Variants in SLC25A21 observed in about 807,000 individuals in gnomAD.
SLC25A21 encodes the protein solute carrier family 25 member 21, also known as mitochondrial 2-oxodicarboxylate carrier.
In SLC25A21, 47 loss-of-function variants were observed where a neutral mutation model predicts 43.8. The ratio of observed to expected loss-of-function variants is 1.07; its 90% CI spans 0.85 to 1.37. The LOEUF is 1.37. Among genes scored for constraint, SLC25A21 ranks in the 40% most tolerant of loss-of-function variants. SLC25A21 has a pLI of 0.00. For synonymous variants in SLC25A21, 131 were observed against 121.3 expected, an observed-to-expected ratio of 1.08 and a Z score of -0.52; for missense variants, 352 against 350.2, an observed-to-expected ratio of 1.00 and a Z score of -0.04.
chr14:36,941,328 T>C (rs1040219791), intron 1 of SLC25A21, among the ~76,000 whole-genome samples: 2 of 152,156 alleles, frequency 1.3e-5, no homozygotes, highest in Non-Finnish European at 2.9e-5. Context: ...TTTCAAAGAT[T>C]ATGCTGCACA....
intron 3 of SLC25A21, among the ~76,000 whole-genome samples, chr14:36,786,647 AT>A (rs1213656919): frequency 1.3e-5 from 2 of 152,028 alleles, no homozygotes; most frequent in South Asian, 2.1e-4. Context: ...AATCACTCTA[AT>A]TTTTTTTCTC....
At chr14:37,097,046 T>G (rs1002442934) in intron 1 of SLC25A21, 27 of 151,806 alleles carry the variant, frequency 1.8e-4, no homozygotes, top group African/African-American at 4.6e-4. Context: ...TTTTTTGTTT[T>G]TTTTTGTTTG....
intron 1 of SLC25A21, among the ~76,000 whole-genome samples, chr14:37,088,893 C>T (rs941491699): frequency 2.2e-4 from 34 of 152,286 alleles, no homozygotes; most frequent in Middle Eastern, 6.8e-3. Context: ...CTCTTTTCAA[C>T]TTAGGAAAAG....
intron 1 of SLC25A21, among the ~76,000 whole-genome samples, chr14:36,999,081 C>CA (rs769066104): frequency 1.2e-4 from 19 of 152,056 alleles, no homozygotes; most frequent in Non-Finnish European, 2.6e-4. Flanking sequence ...GTTGGAAATA[C>CA]AAAAACCTAT....
chr14:37,098,806 T>TAGATAGATAGA (rs1491150034), intron 1 of SLC25A21, among the ~76,000 whole-genome samples: 16 of 4,160 alleles, frequency 3.8e-3, no homozygotes, highest in African/African-American at 4.3e-3. Flanking sequence ...GATAGATAGA[T>TAGATAGATAGA]TTTTTTTTTT....
chr14:36,989,124 GATAA>G (rs1314702824), intron 1 of SLC25A21, among the ~76,000 whole-genome samples: 1 of 152,132 alleles, frequency 6.6e-6, no homozygotes, highest in African/African-American at 2.4e-5. Flanking sequence ...TTCTCACTTG[GATAA>G]AGGGCCAAAA....
intron 1 of SLC25A21, among the ~76,000 whole-genome samples, chr14:37,131,311 A>G (rs1963387931): frequency 6.6e-6 from 1 of 152,212 alleles, no homozygotes; most frequent in Non-Finnish European, 1.5e-5. Context: ...AGTGAGACAC[A>G]TGTTGTTGTG....
At chr14:36,826,313 G>C (rs1288630629) in intron 2 of SLC25A21, among the ~76,000 whole-genome samples, 2 of 152,146 alleles carry the variant, frequency 1.3e-5, no homozygotes, top group Non-Finnish European at 2.9e-5. Flanking sequence ...TTCTCCTCCA[G>C]CTTGGCAAGG....
intron 3 of SLC25A21, among the ~76,000 whole-genome samples, chr14:36,745,181 T>G (rs1885442246): frequency 6.6e-6 from 1 of 152,140 alleles, no homozygotes. Context: ...ACTCATCCTT[T>G]TTTATGGCTG....
At chr14:37,058,242 A>G (rs977620373) in intron 1 of SLC25A21, among the ~76,000 whole-genome samples, 2 of 152,230 alleles carry the variant, frequency 1.3e-5, no homozygotes, top group African/African-American at 4.8e-5. Flanking sequence ...GAATTTAGTG[A>G]TGAAAACACA....
intron 2 of SLC25A21, among the ~76,000 whole-genome samples, chr14:36,821,138 C>T (rs976316327): frequency 7.9e-5 from 12 of 152,196 alleles, no homozygotes; most frequent in Admixed American, 3.3e-4. Flanking sequence ...GTGTACACAC[C>T]GACCTCACCA....
At chr14:36,816,750 C>T (rs1334182561) in intron 2 of SLC25A21, among the ~76,000 whole-genome samples, 3 of 152,112 alleles carry the variant, frequency 2.0e-5, no homozygotes, top group African/African-American at 4.8e-5. Flanking sequence ...GCAATCCTCC[C>T]GCCTCGGTCT....
chr14:37,163,949 A>C lies in SLC25A21; in HGVS notation c.70+8332T>G, dbSNP rs75894468. Among the ~76,000 whole-genome samples the C allele has an allele frequency of 1.5e-3, 236 of 152,288 alleles. 1 individual carries two copies. Among genetic ancestry groups the C allele is most frequent in the African/African-American group, 5.3e-3 (220 of 41,564 alleles). On this transcript the variant is annotated intron_variant, in intron 1 of 9. Transcript: ENST00000331299. ...TTAATATGATCAACAAACATTTCTG[A>C]GCCCCTACTTGCTATACTCTGAAAC... is the stretch of plus-strand genomic sequence containing the variant.
intron 1 of SLC25A21, among the ~76,000 whole-genome samples, chr14:37,089,991 CA>C (rs1962554696): frequency 3.9e-5 from 6 of 152,136 alleles, no homozygotes; most frequent in Admixed American, 3.9e-4. Context: ...GAAACAGAAA[CA>C]ATGAAACTGG....
chr14:36,803,376 T>C (rs1277457517), intron 3 of SLC25A21, among the ~76,000 whole-genome samples: 2 of 152,232 alleles, frequency 1.3e-5, no homozygotes, highest in Non-Finnish European at 2.9e-5. Context: ...TTGATTCCTT[T>C]ACAAATAGTG....
intron 3 of SLC25A21, among the ~76,000 whole-genome samples, chr14:36,764,460 C>G (rs1254500672): frequency 6.8e-6 from 1 of 147,568 alleles, no homozygotes; most frequent in Non-Finnish European, 1.5e-5. Flanking sequence ...GATTGAAGCA[C>G]AAGCTGCCAC....
intron 3 of SLC25A21, among the ~76,000 whole-genome samples, chr14:36,764,074 A>AAGAGAGAGAGAGAGAGAGAGAGAG (rs1886274682): frequency 1.9e-5 from 1 of 52,248 alleles, no homozygotes. Context: ...GAAAGAAAGA[A>AAGAGAGAGAGAGAGAGAGAGAGAG]AGAAAGAAGG....
chr14:36,740,598 C>T (rs1187931371), intron 3 of SLC25A21, among the ~76,000 whole-genome samples: 1 of 151,970 alleles, frequency 6.6e-6, no homozygotes, highest in African/African-American at 2.4e-5. Context: ...CCAAACCCTA[C>T]AAAATAATTT....
Position 37,004,505 on chromosome 14 carries a change from A to G in SLC25A21, c.71-129501T>C, listed in dbSNP as rs1594747925. ...GTCAGTGAAAAGATGTAATTCATGG[A>G]GTAACTGAAAAATCCACTAGACAGG... On this transcript the variant is annotated intron_variant, in intron 1 of 9. Coordinates refer to ENST00000331299, the MANE Select transcript of SLC25A21 (RefSeq NM_030631.4). 3.3e-5 allele frequency among the ~76,000 whole-genome samples: 5 copies of G among 152,338 alleles called. No homozygotes were observed. In the South Asian group the frequency reaches 1.0e-3, roughly 32 times the overall value.
Sources: allele counts gnomAD v4.1 joint callset (sites outside exome capture counted in the v4.1 genomes callset), GRCh38; gene constraint gnomAD v4.1.1; transcripts MANE v1.5; gene names NCBI Gene and HGNC (gene_info 2026-07-23, HGNC 2026-07-21).